The following FRMPD4 variants were observed in gnomAD, a reference collection of about 807,000 sequenced individuals.
The protein encoded by FRMPD4 is FERM and PDZ domain-containing protein 4.
A neutral mutation model predicts 94.1 loss-of-function variants in FRMPD4; 22 were observed. That is an observed-to-expected ratio of 0.23 (90% CI 0.17 to 0.33). The LOEUF is 0.33. Ranked by LOEUF, FRMPD4 falls within the 10% of genes least tolerant of loss-of-function variation. FRMPD4 has a pLI of 1.00. For missense variants in FRMPD4, 1,111 were observed against 1,339.9 expected (o/e 0.83, Z 2.67); for synonymous variants, 631 against 548.6 (o/e 1.15, Z -2.10).
chrX:12,544,771 TA>T (rs1263169995), intron 2 of FRMPD4, among the ~76,000 whole-genome samples: 5 of 111,364 alleles, frequency 4.5e-5, no homozygotes, highest in African/African-American at 1.6e-4. Flanking sequence ...TGGGTTACTC[TA>T]AACCTATGTA....
intron 1 of FRMPD4, among the ~76,000 whole-genome samples, chrX:12,414,447 G>A (rs1426249758): frequency 8.9e-6 from 1 of 112,318 alleles, no homozygotes; most frequent in African/African-American, 3.2e-5. Flanking sequence ...ATTTTGTTAT[G>A]TTATTTGATC....
rs777491893 is a variant in FRMPD4, at chrX:11,964,161, TG to T, written c.95+86144del. Reference sequence around the variant, plus strand: ...TGGGATTCAGTGCTTTTTTTGTTGTTGTTGTTGTTGTTGTTTGAGACAGAGT... The same window carrying T: ...TGGGATTCAGTGCTTTTTTTGTTGTTTTGTTGTTGTTGTTTGAGACAGAGT... On this transcript the variant is annotated intron_variant, in intron 3 of 18. Coordinates refer to the FRMPD4 transcript ENST00000640291. 6.3e-3 allele frequency among the ~76,000 whole-genome samples: 693 copies of T among 109,367 alleles called. 2 individuals are homozygous for T. The highest frequency in any genetic ancestry group is 0.022 in the African/African-American group (667 of 29,928). 95.0% of individuals were successfully genotyped at this position (109,367 alleles called of 115,157 possible). A position where few individuals can be genotyped will look rare whatever the true frequency, so the allele number is the denominator to read the frequency against.
intron 3 of FRMPD4, among the ~76,000 whole-genome samples, chrX:11,890,123 C>T (rs1007464143): frequency 6.2e-5 from 7 of 112,193 alleles, no homozygotes; most frequent in Non-Finnish European, 1.1e-4. Flanking sequence ...TAATCTATTA[C>T]AACATGGTAG....
rs749269384 is a variant in FRMPD4, at chrX:12,560,742, CTTTTTTTTTTTTTTTTTTTTTTT to C, written c.159-48956_159-48934del. ...CCCTAGTGTATGCACCTCCCCTCATCTTTTTTTTTTTTTTTTTTTTTTTTTTTTTTTTTTTTTTTTTTTTTGAG... is the reference window on the plus strand; with the variant it reads ...CCCTAGTGTATGCACCTCCCCTCATCTTTTTTTTTTTTTTTTTTTTTTGAG... On this transcript the variant is annotated intron_variant, in intron 2 of 16. Transcript: ENST00000675598. Among the ~76,000 whole-genome samples the C allele has an allele frequency of 6.0e-4, 26 of 43,446 alleles. 2 individuals are homozygous for C. The South Asian group carries it at 0.029, about 49-fold the overall frequency. The allele number at this position is 43,446 out of a possible 115,157, so 37.7% of individuals were successfully genotyped here.
At chrX:11,861,702 G>C (rs1187307188) in intron 1 of FRMPD4, among the ~76,000 whole-genome samples, 8 of 111,849 alleles carry the variant, frequency 7.2e-5, no homozygotes, top group Non-Finnish European at 1.3e-4. Context: ...TCTCCAAGTA[G>C]GTAAAGTCCC....
intron 2 of FRMPD4, among the ~76,000 whole-genome samples, chrX:11,868,474 AT>A (rs1412048406): frequency 1.2e-4 from 13 of 111,834 alleles, no homozygotes; most frequent in Non-Finnish European, 1.5e-4. Context: ...GTAGTAGGCT[AT>A]TAACTCTACA....
intron 3 of FRMPD4, among the ~76,000 whole-genome samples, chrX:12,096,590 G>A (rs764415771): frequency 3.6e-5 from 4 of 111,929 alleles, no homozygotes; most frequent in East Asian, 2.8e-4. Flanking sequence ...ATCAAAATCC[G>A]TTAATCAAAA....
intron 3 of FRMPD4, among the ~76,000 whole-genome samples, chrX:11,904,003 A>G (rs2053953526): frequency 9.0e-6 from 1 of 111,035 alleles, no homozygotes; most frequent in Middle Eastern, 4.2e-3. Context: ...GGTGACCTCA[A>G]ACTCCTGGGC....
At chrX:12,012,396 C>T (rs2054585620) in intron 3 of FRMPD4, among the ~76,000 whole-genome samples, 1 of 111,712 alleles carries the variant, frequency 9.0e-6, no homozygotes, top group African/African-American at 3.3e-5. Context: ...GAGGAAGTTC[C>T]CTTTTTTTCT....
chrX:12,547,853 T>C (rs1802977855), intron 2 of FRMPD4, among the ~76,000 whole-genome samples: 1 of 112,024 alleles, frequency 8.9e-6, no homozygotes, highest in Admixed American at 9.5e-5. Context: ...GGATTCTAAA[T>C]AACAAAAGTA....
intron 1 of FRMPD4, among the ~76,000 whole-genome samples, chrX:11,836,874 T>C (rs1341405463): frequency 8.9e-6 from 1 of 112,050 alleles, no homozygotes; most frequent in Non-Finnish European, 1.9e-5. Context: ...ATTTCATTAT[T>C]CTTATTAGGT....
chrX:12,317,585 C>CAAAAAAAAA (rs376884335), intron 1 of FRMPD4, among the ~76,000 whole-genome samples: 298 of 41,257 alleles, frequency 7.2e-3, no homozygotes, highest in East Asian at 0.033. Flanking sequence ...AACTAAATAG[C>CAAAAAAAAA]AAAAAAAAAA....
chrX:12,303,776 G>C (rs1157269600), intron 1 of FRMPD4, among the ~76,000 whole-genome samples: 2 of 112,149 alleles, frequency 1.8e-5, no homozygotes, highest in Non-Finnish European at 3.8e-5. Flanking sequence ...AATATGAAAG[G>C]AAACCAAAAA....
At chrX:11,849,667 G>A (rs2053608481) in intron 1 of FRMPD4, among the ~76,000 whole-genome samples, 2 of 102,906 alleles carry the variant, frequency 1.9e-5, no homozygotes, top group South Asian at 8.3e-4. Context: ...ATTCAATGTG[G>A]GAAAGGACAG....
At chrX:12,536,303 G>A (rs1206852655) in intron 2 of FRMPD4, among the ~76,000 whole-genome samples, 1 of 108,742 alleles carries the variant, frequency 9.2e-6, no homozygotes, top group Non-Finnish European at 1.9e-5. Context: ...GAGCTTCCAG[G>A]CAGCCATGGT....
intron 1 of FRMPD4, among the ~76,000 whole-genome samples, chrX:12,296,994 C>T (rs1391622105): frequency 1.8e-5 from 2 of 112,452 alleles, no homozygotes. Flanking sequence ...TCGACAGGTA[C>T]TCACACTTAT....
At chrX:12,528,024 G>A (rs775160468) in intron 2 of FRMPD4, among the ~76,000 whole-genome samples, 1 of 112,461 alleles carries the variant, frequency 8.9e-6, no homozygotes, top group South Asian at 3.7e-4. Flanking sequence ...GCCAAATGAT[G>A]TAGTAAGTAC....
In FRMPD4 at chrX:12,225,998, C is replaced by G. The variant is rs139530128; in HGVS notation, c.41+86986C>G. Among the ~76,000 whole-genome samples, 550 of 112,000 alleles carry G rather than the reference C, an allele frequency of 4.9e-3. 1 individual carries two copies. Among genetic ancestry groups the G allele is most frequent in the African/African-American group, 0.017 (527 of 30,797 alleles). The stretch of plus-strand genomic sequence containing the variant: ...GTAGCTACCTCCTGGGACTGGCATG[C>G]GCATAAAATGAAAACGGTGCCTGGC... On this transcript the variant is annotated intron_variant, in intron 1 of 16. Transcript: ENST00000675598.
intron 1 of FRMPD4, among the ~76,000 whole-genome samples, chrX:12,456,259 C>T (rs2057332643): frequency 1.8e-5 from 2 of 111,961 alleles, no homozygotes; most frequent in Non-Finnish European, 3.8e-5. Flanking sequence ...CTTTCTCTCT[C>T]TCTTCTTTCT....
Sources: allele counts gnomAD v4.1 joint callset (sites outside exome capture counted in the v4.1 genomes callset), GRCh38; gene constraint gnomAD v4.1.1; transcripts MANE v1.5; gene names NCBI Gene and HGNC (gene_info 2026-07-23, HGNC 2026-07-21).